PUS1: variants seen among roughly 807,000 people sequenced by gnomAD.
PUS1 encodes the protein pseudouridine synthase 1, also known as pseudouridylate synthase 1 homolog.
PUS1 carries 25 observed loss-of-function variants against 38.5 expected under a neutral mutation model. The observed-to-expected ratio is 0.65, with a 90% CI of 0.47 to 0.91. The LOEUF is 0.91. Ranked by LOEUF, PUS1 falls within the 40% of genes least tolerant of loss-of-function variation. The pLI is 0.00. For synonymous variants in PUS1, 282 were observed against 260.4 expected, an observed-to-expected ratio of 1.08 and a Z score of -0.80; for missense variants, 597 against 612.3, an observed-to-expected ratio of 0.97 and a Z score of 0.26.
chr12:131,942,092 C>A, intron 5 of PUS1, 109 bp downstream of exon 5: 2 of 1,024,682 alleles, frequency 2.0e-6, no homozygotes, highest in East Asian at 2.6e-5. Flanking sequence ...CCCGCAAGGC[C>A]ACACAGCTGC....
In PUS1 at chr12:131,937,119, C is replaced by T. The variant is rs150127468; in HGVS notation, c.442-2054C>T. ...TACCTAAAGTCATCTTGTTTCAGAACATCTCGTTTCATTCTGCCACGTTCC... is the reference window on the plus strand; with the variant it reads ...TACCTAAAGTCATCTTGTTTCAGAATATCTCGTTTCATTCTGCCACGTTCC... On this transcript the variant is annotated intron_variant, in intron 3 of 5. Transcript: ENST00000376649. 3.0e-3 allele frequency among the ~76,000 whole-genome samples: 456 copies of T among 152,330 alleles called. 4 individuals are homozygous for T. Among genetic ancestry groups the T allele is most frequent in the Non-Finnish European group, 4.7e-3 (318 of 68,030 alleles).
chr12:131,942,607 C>T (rs557906604), intron 5 of PUS1, among the ~76,000 whole-genome samples: 38 of 152,254 alleles, frequency 2.5e-4, no homozygotes, highest in Non-Finnish European at 4.4e-4. Context: ...GGGGTTTCAC[C>T]ATGTTAGCCA....
chr12:131,930,391 C>T (rs1285412417), intron 2 of PUS1, among the ~76,000 whole-genome samples: 1 of 152,222 alleles, frequency 6.6e-6, no homozygotes, highest in Non-Finnish European at 1.5e-5. Context: ...GTGCCTGAGT[C>T]CTCATCTTTA....
In PUS1 at chr12:131,941,926, C is replaced by T. The variant is rs758433958; in HGVS notation, c.1179C>T (p.Thr393=). 2 of 1,612,622 alleles carry T rather than the reference C, an allele frequency of 1.2e-6. No individual in the cohort carries two copies. The highest frequency in any genetic ancestry group is 2.7e-5 in the African/African-American group (2 of 74,942). The change falls in exon 5 of 6, where the codon ACC becomes ACT. Residue 393 remains threonine, a synonymous_variant. Coordinates refer to ENST00000376649, the MANE Select transcript of PUS1 (RefSeq NM_025215.6). This position sits in a 1 kb window ranked among gnomAD's most constrained non-coding sequence, Gnocchi z 4.4. Reference sequence around the variant, plus strand: ...GCTCCATGGCCCAGTGGCTGAGCACCTTGCCCATCCACAACTTCAGTGCCA... The same window carrying T: ...GCTCCATGGCCCAGTGGCTGAGCACTTTGCCCATCCACAACTTCAGTGCCA... ...DERSMAQWLS[T]LPIHNFSATA...
At chr12:131,929,820 C>T (rs1283016731) in intron 1 of PUS1, 24 bp downstream of exon 1, 3 of 1,558,094 alleles carry the variant, frequency 1.9e-6, no homozygotes, top group South Asian at 1.2e-5. Context: ...CGCCGGGCGA[C>T]CCCGCTATGC....
chr12:131,937,125 GT>G (rs1593292967), intron 3 of PUS1, among the ~76,000 whole-genome samples: 3 of 151,980 alleles, frequency 2.0e-5, no homozygotes, highest in African/African-American at 7.3e-5. Flanking sequence ...AGAACATCTC[GT>G]TTCATTCTGC....
At position 131,943,805 on chromosome 12, in the gene PUS1, A is replaced by AT. The variant is rs1222879047; in HGVS notation, c.*226dup. 7.4e-6 allele frequency: 4 copies of AT among 542,806 alleles called. No homozygotes were observed. Among genetic ancestry groups the AT allele is most frequent in the Non-Finnish European group, 1.3e-5 (4 of 300,740 alleles). 33.6% of individuals were successfully genotyped at this position (542,806 alleles called of 1,614,324 possible). ...GATGAACCTCAGCATGTAAAGAACT[A>AT]TTTTTTTAAAGAAGTGATTTTCTTA... On this transcript the variant is annotated 3_prime_UTR_variant, in exon 6 of 6. Transcript: ENST00000376649.
intron 3 of PUS1, 68 bp from the exon 4 acceptor site, chr12:131,939,105 T>C (rs1427369871): frequency 1.9e-5 from 19 of 1,015,148 alleles, no homozygotes; most frequent in Non-Finnish European, 2.7e-5. Flanking sequence ...GTAGTCCTTC[T>C]TTCTCAGAGA....
intron 4 of PUS1, among the ~76,000 whole-genome samples, chr12:131,939,795 G>A (rs764886778): frequency 2.6e-5 from 4 of 152,006 alleles, no homozygotes; most frequent in Non-Finnish European, 5.9e-5. Flanking sequence ...CTACAGGTGT[G>A]TGCCACCACA....
chr12:131,939,150 C>T (rs373109594), intron 3 of PUS1, 23 bp from the exon 4 acceptor site: 137 of 1,519,514 alleles, frequency 9.0e-5, no homozygotes, highest in Non-Finnish European at 4.7e-5. Context: ...CACCTTCCGT[C>T]ACCCGTTCTG....
At chr12:131,939,124 C>CG (rs1566146144) in intron 3 of PUS1, 49 bp from the exon 4 acceptor site, 1 of 1,222,044 alleles carries the variant, frequency 8.2e-7, no homozygotes, top group Non-Finnish European at 1.2e-6. Context: ...GACCAGCGTG[C>CG]GAGGCCCAAG....
intron 2 of PUS1, among the ~76,000 whole-genome samples, chr12:131,931,287 T>C (rs1309076027): frequency 6.6e-6 from 1 of 151,952 alleles, no homozygotes; most frequent in Non-Finnish European, 1.5e-5. Flanking sequence ...GCCTCCCGAG[T>C]AGCTGGGACT....
Position 131,944,372 on chromosome 12 carries a change from G to A in PUS1, c.*786G>A, listed in dbSNP as rs1891215296. The A allele has an allele frequency of 6.6e-6, 1 of 152,054 alleles. No individual in the cohort carries two copies. Among genetic ancestry groups the A allele is most frequent in the Admixed American group, 6.6e-5 (1 of 15,250 alleles). 9.4% of individuals were successfully genotyped at this position (152,054 alleles called of 1,614,324 possible). On this transcript the variant is annotated 3_prime_UTR_variant, in exon 6 of 6. Transcript: ENST00000376649. ...CTACTAAAAATACAAAAATTAGCTG[G>A]GCGCGATGGTGGGCGCCTGTAATCC... is the stretch of plus-strand genomic sequence containing the variant.
intron 2 of PUS1, among the ~76,000 whole-genome samples, chr12:131,930,489 C>A (rs1890553530): frequency 1.3e-5 from 2 of 152,186 alleles, no homozygotes; most frequent in African/African-American, 4.8e-5. Context: ...GTGGACAGCT[C>A]GGGGCAGCTC....
Position 131,929,778 on chromosome 12 carries a change from T to G in PUS1, c.56T>G (p.Leu19Arg). 1 of 1,590,516 alleles carries G rather than the reference T, an allele frequency of 6.3e-7. No homozygotes were observed. The highest frequency in any genetic ancestry group is 2.3e-5 in the East Asian group (1 of 43,744). The change falls in exon 1 of 6, where the codon CTG (leucine) becomes CGG (arginine). Residue 19 changes from leucine to arginine, a missense_variant. By Grantham distance (102) the Leu-to-Arg change is moderately radical. Coordinates refer to ENST00000376649, the MANE Select transcript of PUS1 (RefSeq NM_025215.6). The stretch of plus-strand genomic sequence containing the variant: ...GCCTTCGGACGGTGGACCCTGCGCC[T>G]GGGACCGCGTCCGTCCTGGTAATGA... ...LGAFGRWTLR[L>R]GPRPSCSPRM...
At position 131,943,948 on chromosome 12, in the gene PUS1, C is replaced by T. The variant is rs542158868; in HGVS notation, c.*362C>T. 72 of 305,804 alleles carry T rather than the reference C, an allele frequency of 2.4e-4. No individual in the cohort carries two copies. Among genetic ancestry groups the T allele is most frequent in the African/African-American group, 1.3e-3 (60 of 46,226 alleles). 18.9% of individuals were successfully genotyped at this position (305,804 alleles called of 1,614,324 possible). On this transcript the variant is annotated 3_prime_UTR_variant, in exon 6 of 6. Transcript: ENST00000376649. The stretch of plus-strand genomic sequence containing the variant: ...CATGGTGTCCCGTTGAGAACAGATA[C>T]GGCTGAACAAAAGAGAAAGGCCCAG...
At chr12:131,935,932 C>T (rs938312168) in intron 3 of PUS1, among the ~76,000 whole-genome samples, 27 of 152,032 alleles carry the variant, frequency 1.8e-4, no homozygotes, top group Non-Finnish European at 2.5e-4. Flanking sequence ...CACTTTTGGA[C>T]GGGCGTGGTG....
In PUS1 at chr12:131,943,945, A is replaced by G; in HGVS notation, c.*359A>G. 1 of 312,708 alleles carries G rather than the reference A, an allele frequency of 3.2e-6. No individual in the cohort carries two copies. Among genetic ancestry groups the G allele is most frequent in the East Asian group, 8.0e-5 (1 of 12,502 alleles). The allele number at this position is 312,708 out of a possible 1,614,324, so 19.4% of individuals were successfully genotyped here. Reference sequence around the variant, plus strand: ...CAGCATGGTGTCCCGTTGAGAACAGATACGGCTGAACAAAAGAGAAAGGCC... The same window carrying G: ...CAGCATGGTGTCCCGTTGAGAACAGGTACGGCTGAACAAAAGAGAAAGGCC... On this transcript the variant is annotated 3_prime_UTR_variant, in exon 6 of 6. Transcript: ENST00000376649.
chr12:131,941,262 CT>C lies in PUS1; in HGVS notation c.545-27del. 6.2e-7 allele frequency: 1 copy of C among 1,602,634 alleles called. No individual in the cohort carries two copies. The highest frequency in any genetic ancestry group is 8.5e-7 in the Non-Finnish European group (1 of 1,170,244). On this transcript the variant is annotated intron_variant, in intron 4 of 5. Coordinates refer to ENST00000376649, the MANE Select transcript of PUS1 (RefSeq NM_025215.6). This position sits in a 1 kb window ranked among gnomAD's most constrained non-coding sequence, Gnocchi z 4.4. ...GGTCATCCAGGCACTTCTCACCTGCCTTTCTCCTCCCTGACCACCTCCCCCC... is the reference window on the plus strand; with the variant it reads ...GGTCATCCAGGCACTTCTCACCTGCCTTCTCCTCCCTGACCACCTCCCCCC...
Sources: allele counts gnomAD v4.1 joint callset (sites outside exome capture counted in the v4.1 genomes callset), GRCh38; gene constraint gnomAD v4.1.1; non-coding constraint Gnocchi (gnomAD v3.1); transcripts MANE v1.5; gene names NCBI Gene and HGNC (gene_info 2026-07-23, HGNC 2026-07-21).